The following MPV17L2 variants were observed in gnomAD, a reference collection of about 807,000 sequenced individuals.
MPV17L2 encodes the protein mpv17-like protein 2.
Under a neutral mutation model 24.2 loss-of-function variants are expected in MPV17L2, and 25 were observed. The observed-to-expected ratio is 1.03, with a 90% CI of 0.75 to 1.44. The LOEUF (loss-of-function observed/expected upper bound fraction) is 1.44, where lower values mean the gene tolerates loss of function less well. MPV17L2 is among the 40% of genes most tolerant of loss of function. The probability of loss-of-function intolerance (pLI) is 0.00; values close to 1 mark genes in which losing one functional copy is unlikely to be tolerated. For synonymous variants in MPV17L2, 130 were observed against 121.4 expected (o/e 1.07, Z -0.46); for missense variants, 271 against 276.2 (o/e 0.98, Z 0.13).
chr19:18,193,971 C>T lies in MPV17L2; in HGVS notation c.295C>T (p.Leu99Phe). 6.2e-7 allele frequency: 1 copy of T among 1,614,256 alleles called. No individual in the cohort carries two copies. The highest frequency in any genetic ancestry group is 8.5e-7 in the Non-Finnish European group (1 of 1,180,044). Reference sequence around the variant, plus strand: ...TGGCCTCCGAGGCTTCCCAAATGTCCTCAAGAAGGTCCTCGTGGATCAGCT... The same window carrying T: ...TGGCCTCCGAGGCTTCCCAAATGTCTTCAAGAAGGTCCTCGTGGATCAGCT... ...ASGLRGFPNVLKKVLVDQLVA... is the reference protein window; with the variant it reads ...ASGLRGFPNVFKKVLVDQLVA... Residue 99 changes from leucine (L) to phenylalanine (F), a missense_variant, in exon 2 of 5, where the codon CTC becomes TTC. By Grantham distance (22) the Leu-to-Phe change is conservative. Transcript: ENST00000599612.
chr19:18,194,767 T>A lies in MPV17L2; in HGVS notation c.359-10T>A. ...CCTCTAACACTCTCATTTCTTGGTT[T>A]GCTTCCCAGGCCTTGGCTGCCTGGA... On this transcript the variant is annotated splice_polypyrimidine_tract_variant and intron_variant, in intron 2 of 4. Transcript: ENST00000599612. The A allele has an allele frequency of 6.2e-7, 1 of 1,602,514 alleles. No homozygotes were observed. Among genetic ancestry groups the A allele is most frequent in the South Asian group, 1.1e-5 (1 of 89,214 alleles).
chr19:18,196,683 G>C lies in MPV17L2; in HGVS notation c.*628G>C, dbSNP rs1185248164. 8.8e-6 allele frequency: 3 copies of C among 342,252 alleles called. No individual in the cohort carries two copies. The highest frequency in any genetic ancestry group is 3.9e-5 in the Admixed American group (1 of 25,502). The allele number at this position is 342,252 out of a possible 1,614,324, so 21.2% of individuals were successfully genotyped here. On this transcript the variant is annotated 3_prime_UTR_variant, in exon 5 of 5. Coordinates refer to ENST00000599612, the MANE Select transcript of MPV17L2 (RefSeq NM_032683.3). The stretch of plus-strand genomic sequence containing the variant: ...GAGGCCAGGTGTTCGAGACCAGCCT[G>C]GGCAACATAGCAAGACCCTGTCTCT...
rs751342928 is a variant in MPV17L2, at chr19:18,196,106, C to T, written c.*51C>T. 3.1e-6 allele frequency: 5 copies of T among 1,613,184 alleles called. No individual in the cohort carries two copies. Among genetic ancestry groups the T allele is most frequent in the Admixed American group, 1.7e-5 (1 of 59,978 alleles). On this transcript the variant is annotated 3_prime_UTR_variant, in exon 5 of 5. Coordinates refer to ENST00000599612, the MANE Select transcript of MPV17L2 (RefSeq NM_032683.3). Reference sequence around the variant, plus strand: ...AAGACTGTCTCCTGGCGGACCACCCCCTCTGACAGAAGGGGAATGGGCTCC... The same window carrying T: ...AAGACTGTCTCCTGGCGGACCACCCTCTCTGACAGAAGGGGAATGGGCTCC...
chr19:18,196,095 G>A lies in MPV17L2; in HGVS notation c.*40G>A. ...GGACCAGATGCAAGACTGTCTCCTGGCGGACCACCCCCTCTGACAGAAGGG... is the reference window on the plus strand; with the variant it reads ...GGACCAGATGCAAGACTGTCTCCTGACGGACCACCCCCTCTGACAGAAGGG... On this transcript the variant is annotated 3_prime_UTR_variant, in exon 5 of 5. Transcript: ENST00000599612. The A allele has an allele frequency of 6.2e-7, 1 of 1,613,746 alleles. No homozygotes were observed. The highest frequency in any genetic ancestry group is 8.5e-7 in the Non-Finnish European group (1 of 1,179,952).
intron 1 of MPV17L2, 156 bp downstream of exon 1, chr19:18,193,624 G>T: frequency 7.1e-7 from 1 of 1,411,466 alleles, no homozygotes; most frequent in East Asian, 2.6e-5. Context: ...CGCAGCTCTG[G>T]GTCTCCATCA....
At chr19:18,194,284 G>A (rs1166243929) in intron 2 of MPV17L2, 4 of 531,204 alleles carry the variant, frequency 7.5e-6, no homozygotes, top group Non-Finnish European at 1.4e-5. Flanking sequence ...TCCCAAAGAA[G>A]GGGACCACAC....
In MPV17L2 at chr19:18,195,984, G is replaced by A. The variant is rs752143400; in HGVS notation, c.565-15G>A. The A allele has an allele frequency of 1.3e-6, 2 of 1,596,420 alleles. No homozygotes were observed. Among genetic ancestry groups the A allele is most frequent in the South Asian group, 2.3e-5 (2 of 88,690 alleles). ...AGCCAGGCTTCTGACCAGATGCCTT[G>A]TCTTGTGTGGACAGAGCCCAGTTCC... On this transcript the variant is annotated splice_polypyrimidine_tract_variant and intron_variant, in intron 4 of 4. Coordinates refer to ENST00000599612, the MANE Select transcript of MPV17L2 (RefSeq NM_032683.3).
At position 18,196,337 on chromosome 19, in the gene MPV17L2, C is replaced by T; in HGVS notation, c.*282C>T. 7.1e-7 allele frequency: 1 copy of T among 1,400,068 alleles called. No homozygotes were observed. The highest frequency in any genetic ancestry group is 9.4e-7 in the Non-Finnish European group (1 of 1,059,946). 86.7% of individuals were successfully genotyped at this position (1,400,068 alleles called of 1,614,324 possible). A position where few individuals can be genotyped will look rare whatever the true frequency, so the allele number is the denominator to read the frequency against. ...GATGTCCCATCCTCAGCACAGGGCC[C>T]ACTCTGCCAACCAGTCTCAAGCACC... is the stretch of plus-strand genomic sequence containing the variant. On this transcript the variant is annotated 3_prime_UTR_variant, in exon 5 of 5. Transcript: ENST00000599612.
At chr19:18,194,661 G>C in intron 2 of MPV17L2, 116 bp from the exon 3 acceptor site, 2 of 821,084 alleles carry the variant, frequency 2.4e-6, no homozygotes, top group South Asian at 3.3e-5. Flanking sequence ...TCTGCCCGGG[G>C]TGGGCGGCGT....
Position 18,193,228 on chromosome 19 carries a change from T to A in MPV17L2, c.-54T>A. The A allele has an allele frequency of 7.1e-7, 1 of 1,415,934 alleles. No homozygotes were observed. Among genetic ancestry groups the A allele is most frequent in the African/African-American group, 1.5e-5 (1 of 66,346 alleles). 87.7% of individuals were successfully genotyped at this position (1,415,934 alleles called of 1,614,324 possible). A position where few individuals can be genotyped will look rare whatever the true frequency, so the allele number is the denominator to read the frequency against. Reference sequence around the variant, plus strand: ...TTTGGGATCGACAGTGACTCGCGACTGGTCGGCGCGGCGAAAGCAGAGCGG... The same window carrying A: ...TTTGGGATCGACAGTGACTCGCGACAGGTCGGCGCGGCGAAAGCAGAGCGG... On this transcript the variant is annotated 5_prime_UTR_variant, in exon 1 of 5. Transcript: ENST00000599612.
intron 2 of MPV17L2, among the ~76,000 whole-genome samples, 165 bp from the exon 3 acceptor site, chr19:18,194,612 C>T (rs1314252235): frequency 1.3e-5 from 2 of 152,216 alleles, no homozygotes; most frequent in Non-Finnish European, 2.9e-5. Flanking sequence ...CACCAGCTAC[C>T]CTAATTCTCT....
rs1033745681 is a variant in MPV17L2, at chr19:18,196,684, G to A, written c.*629G>A. 1.2e-5 allele frequency: 4 copies of A among 341,338 alleles called. No homozygotes were observed. The Admixed American group carries it at 1.6e-4, about 13-fold the overall frequency. The allele number at this position is 341,338 out of a possible 1,614,324, so 21.1% of individuals were successfully genotyped here. A position where few individuals can be genotyped will look rare whatever the true frequency, so the allele number is the denominator to read the frequency against. On this transcript the variant is annotated 3_prime_UTR_variant, in exon 5 of 5. Transcript: ENST00000599612. ...AGGCCAGGTGTTCGAGACCAGCCTG[G>A]GCAACATAGCAAGACCCTGTCTCTA...
chr19:18,193,558 C>T, intron 1 of MPV17L2, 90 bp downstream of exon 1: 1 of 1,412,834 alleles, frequency 7.1e-7, no homozygotes, highest in East Asian at 2.6e-5. Context: ...CCCGTGGCCT[C>T]AGTCCCCCGC....
At chr19:18,194,671 TG>T in intron 2 of MPV17L2, 105 bp from the exon 3 acceptor site, 1 of 969,434 alleles carries the variant, frequency 1.0e-6, no homozygotes, top group Non-Finnish European at 1.6e-6. Context: ...GTGGGCGGCG[TG>T]GGCTCTCAGG....
At chr19:18,194,912 C>T in intron 3 of MPV17L2, 46 bp from the exon 4 acceptor site, 2 of 1,592,266 alleles carry the variant, frequency 1.3e-6, no homozygotes, top group Non-Finnish European at 1.7e-6. Context: ...CGCTCCGCCC[C>T]CGCCCAGCTC....
chr19:18,195,984 G>GTCT lies in MPV17L2; in HGVS notation c.565-13_565-11dup. The stretch of plus-strand genomic sequence containing the variant: ...AGCCAGGCTTCTGACCAGATGCCTT[G>GTCT]TCTTGTGTGGACAGAGCCCAGTTCC... On this transcript the variant is annotated splice_polypyrimidine_tract_variant and intron_variant, in intron 4 of 4. Transcript: ENST00000599612. The GTCT allele has an allele frequency of 6.3e-7, 1 of 1,596,420 alleles. No homozygotes were observed. Among genetic ancestry groups the GTCT allele is most frequent in the Non-Finnish European group, 8.6e-7 (1 of 1,169,112 alleles).
chr19:18,194,801 C>T lies in MPV17L2; in HGVS notation c.383C>T (p.Thr128Ile). 6.2e-7 allele frequency: 1 copy of T among 1,610,468 alleles called. No individual in the cohort carries two copies. Among genetic ancestry groups the T allele is most frequent in the Non-Finnish European group, 8.5e-7 (1 of 1,178,976 alleles). The change falls in exon 3 of 5, where the codon ACA becomes ATA. Residue 128 changes from threonine to isoleucine, a missense_variant. Physicochemically the swap from Thr to Ile is moderately conservative, Grantham distance 89. Transcript: ENST00000599612. ...FLGLGCLEGQ[T>I]VGESCQELRE... The stretch of plus-strand genomic sequence containing the variant: ...GGCCTTGGCTGCCTGGAGGGTCAGA[C>T]AGTGGGTGAGAGCTGCCAGGAGCTG...
chr19:18,196,064 C>T lies in MPV17L2; in HGVS notation c.*9C>T, dbSNP rs1967513085. 2 of 1,614,020 alleles carry T rather than the reference C, an allele frequency of 1.2e-6. No homozygotes were observed. Among genetic ancestry groups the T allele is most frequent in the Admixed American group, 1.7e-5 (1 of 60,000 alleles). The stretch of plus-strand genomic sequence containing the variant: ...ACACCCGAGCAGACTGAACTGTCTG[C>T]TTCCTGGACCAGATGCAAGACTGTC... On this transcript the variant is annotated 3_prime_UTR_variant, in exon 5 of 5. Transcript: ENST00000599612.
intron 2 of MPV17L2, 92 bp from the exon 3 acceptor site, chr19:18,194,685 C>A: frequency 8.2e-7 from 1 of 1,218,060 alleles, no homozygotes; most frequent in Non-Finnish European, 1.2e-6. Context: ...CTCTCAGGGG[C>A]CCAACCCCGC....
Sources: allele counts gnomAD v4.1 joint callset (sites outside exome capture counted in the v4.1 genomes callset), GRCh38; gene constraint gnomAD v4.1.1; transcripts MANE v1.5; gene names NCBI Gene and HGNC (gene_info 2026-07-23, HGNC 2026-07-21).